The following UGT1A10 variants were observed in gnomAD, a reference collection of about 807,000 sequenced individuals.
UGT1A10 encodes the protein UDP-glucuronosyltransferase 1A10.
UGT1A10 carries 49 observed loss-of-function variants against 45.8 expected under a neutral mutation model. The ratio of observed to expected loss-of-function variants is 1.07; its 90% CI spans 0.85 to 1.36. The LOEUF is 1.36. Among genes scored for constraint, UGT1A10 ranks in the 40% most tolerant of loss-of-function variants. The pLI is 0.00. For synonymous variants in UGT1A10, 284 were observed against 249.7 expected (o/e 1.14, Z -1.29); for missense variants, 745 against 668.6 (o/e 1.11, Z -1.26).
rs67292694 is a variant in UGT1A10, at chr2:233,757,535, A to AATATATATATATATATAT, written c.856-9490_856-9473dup. Among the ~76,000 whole-genome samples the AATATATATATATATATAT allele has an allele frequency of 4.3e-3, 380 of 88,202 alleles. 7 individuals carry two copies. The highest frequency in any genetic ancestry group is 0.012 in the Middle Eastern group (2 of 172). The allele number at this position is 88,202 out of a possible 152,430, so 57.9% of individuals were successfully genotyped here. ...CAAAGCCAAAATCTTGCCTGTAAGG[A>AATATATATATATATATAT]ATATATATATATATATATATATATA... On this transcript the variant is annotated intron_variant, in intron 1 of 4. Transcript: ENST00000344644.
intron 1 of UGT1A10, among the ~76,000 whole-genome samples, chr2:233,695,323 A>G (rs2075280917): frequency 6.6e-6 from 1 of 151,690 alleles, no homozygotes. Flanking sequence ...GCGGGGTTTC[A>G]CCACGTTGGC....
chr2:233,669,770 G>T (rs947936191), intron 1 of UGT1A10, among the ~76,000 whole-genome samples: 1 of 152,078 alleles, frequency 6.6e-6, no homozygotes. Flanking sequence ...TGCAACCTCC[G>T]CTTCCCGGGT....
At chr2:233,745,949 A>G (rs1225490168) in intron 1 of UGT1A10, among the ~76,000 whole-genome samples, 4 of 151,666 alleles carry the variant, frequency 2.6e-5, no homozygotes, top group East Asian at 3.9e-4. Context: ...GGGTTGGGCA[A>G]CTGGGGGACA....
chr2:233,693,464 C>A (rs754901282), intron 1 of UGT1A10: 3 of 1,614,126 alleles, frequency 1.9e-6, no homozygotes, highest in East Asian at 2.2e-5. Flanking sequence ...CCCAGCCTTA[C>A]CCTGTGGGGT....
intron 1 of UGT1A10, among the ~76,000 whole-genome samples, chr2:233,654,072 A>G (rs534714034): frequency 2.6e-5 from 4 of 152,368 alleles, no homozygotes; most frequent in Non-Finnish European, 4.4e-5. Context: ...CCATAAGTCT[A>G]TACACAGTCT....
intron 1 of UGT1A10, among the ~76,000 whole-genome samples, chr2:233,726,597 T>C (rs1191602652): frequency 6.6e-6 from 1 of 152,194 alleles, no homozygotes; most frequent in Non-Finnish European, 1.5e-5. Flanking sequence ...AGAGCCCTTG[T>C]GATTACACTG....
rs754305708 is a variant in UGT1A10 at position 233,636,669 on chromosome 2, C to T, written c.147C>T (p.Ile49=). The T allele has an allele frequency of 2.7e-5, 43 of 1,613,962 alleles. No individual in the cohort carries two copies. Among genetic ancestry groups the T allele is most frequent in the Admixed American group, 5.0e-5 (3 of 59,980 alleles). ...FTMQSVVEKL[I]LRGHEVVVVM... ...TGCAGTCGGTGGTGGAGAAACTTAT[C>T]CTCAGGGGGCATGAGGTGGTTGTAG... is the stretch of plus-strand genomic sequence containing the variant. Residue 49 remains isoleucine, a synonymous_variant, in exon 1 of 5, where the codon ATC becomes ATT. Transcript: ENST00000344644.
intron 1 of UGT1A10, chr2:233,743,840 A>C: frequency 7.3e-7 from 1 of 1,367,236 alleles, no homozygotes; most frequent in Non-Finnish European, 9.8e-7. Flanking sequence ...CTTGAGCGCC[A>C]GCTTGCGGTA....
chr2:233,650,123 A>G (rs1190210594), intron 1 of UGT1A10, among the ~76,000 whole-genome samples: 1 of 152,116 alleles, frequency 6.6e-6, no homozygotes, highest in Non-Finnish European at 1.5e-5. Context: ...GGCACATGCC[A>G]CCACACCCAG....
Position 233,648,962 on chromosome 2 carries a change from C to T in UGT1A10, c.855+11585C>T, listed in dbSNP as rs2073671889. The T allele has an allele frequency of 2.8e-6, 4 of 1,439,922 alleles. No homozygotes were observed. In the African/African-American group the frequency reaches 5.6e-5, roughly 20 times the overall value. 89.2% of individuals were successfully genotyped at this position (1,439,922 alleles called of 1,614,324 possible). A position where few individuals can be genotyped will look rare whatever the true frequency, so the allele number is the denominator to read the frequency against. On this transcript the variant is annotated intron_variant, in intron 1 of 4. Coordinates refer to ENST00000344644, the MANE Select transcript of UGT1A10 (RefSeq NM_019075.4). ...GACTTTGTTTTGGAGTATCCCAAACCTGTGATGCCCAATATGATCTTCATT... is the reference window on the plus strand; with the variant it reads ...GACTTTGTTTTGGAGTATCCCAAACTTGTGATGCCCAATATGATCTTCATT...
intron 1 of UGT1A10, among the ~76,000 whole-genome samples, chr2:233,759,957 T>C (rs371912681): frequency 1.3e-5 from 2 of 152,236 alleles, no homozygotes; most frequent in Non-Finnish European, 2.9e-5. Context: ...CACTACATAG[T>C]CGTCCTTCTT....
chr2:233,645,037 T>G (rs112664330), intron 1 of UGT1A10, among the ~76,000 whole-genome samples: 140 of 152,300 alleles, frequency 9.2e-4, no homozygotes, highest in African/African-American at 3.3e-3. Flanking sequence ...GTAGACCACT[T>G]TGACACCTTT....
chr2:233,702,878 T>C (rs2075711688), intron 1 of UGT1A10, among the ~76,000 whole-genome samples: 1 of 152,206 alleles, frequency 6.6e-6, no homozygotes, highest in South Asian at 2.1e-4. Flanking sequence ...TATTGAGGAC[T>C]TTTGCATCAT....
chr2:233,717,616 G>C (rs555691364), intron 1 of UGT1A10, among the ~76,000 whole-genome samples: 1 of 152,342 alleles, frequency 6.6e-6, no homozygotes, highest in African/African-American at 2.4e-5. Flanking sequence ...ACAGCCCAGA[G>C]AGCCTGCCCA....
intron 1 of UGT1A10, chr2:233,730,054 A>T (rs2077976978): frequency 1.2e-6 from 2 of 1,611,936 alleles, no homozygotes; most frequent in East Asian, 4.5e-5. Context: ...AAAAAAATGT[A>T]TTTATTTAAA....
chr2:233,697,324 A>C (rs2075384832), intron 1 of UGT1A10, among the ~76,000 whole-genome samples: 1 of 151,942 alleles, frequency 6.6e-6, no homozygotes, highest in African/African-American at 2.4e-5. Flanking sequence ...TTGTGTTTGG[A>C]AATGTATCCA....
intron 1 of UGT1A10, among the ~76,000 whole-genome samples, chr2:233,703,596 T>C (rs2075744943): frequency 6.6e-6 from 1 of 152,180 alleles, no homozygotes. Flanking sequence ...TGCTTCATGA[T>C]ACTGTGTCAT....
intron 1 of UGT1A10, among the ~76,000 whole-genome samples, chr2:233,706,527 A>G (rs1298555218): frequency 1.3e-5 from 2 of 152,242 alleles, no homozygotes; most frequent in African/African-American, 4.8e-5. Context: ...ACAGCGGCTT[A>G]GAAACACAGC....
At chr2:233,742,488 T>A (rs1480874171) in intron 1 of UGT1A10, among the ~76,000 whole-genome samples, 1 of 151,938 alleles carries the variant, frequency 6.6e-6, no homozygotes, top group African/African-American at 2.4e-5. Context: ...ACCTTCAGCA[T>A]AGGCATCATG....
Sources: gnomAD v4.1 joint callset for allele counts (sites outside exome capture counted in the v4.1 genomes callset) on GRCh38, gnomAD v4.1.1 for gene constraint, MANE v1.5 for transcripts, NCBI Gene and HGNC (gene_info 2026-07-23, HGNC 2026-07-21) for gene names.